The following ARIH1 variants were observed in gnomAD, a reference collection of about 807,000 sequenced individuals.
ARIH1 encodes ariadne RBR E3 ubiquitin protein ligase 1, also known as E3 ubiquitin-protein ligase ARIH1.
Under a neutral mutation model 85.0 loss-of-function variants are expected in ARIH1, and 8 were observed. That is an observed-to-expected ratio of 0.09 (90% confidence interval 0.06 to 0.17). The LOEUF (loss-of-function observed/expected upper bound fraction) is 0.17. Among genes scored for constraint, ARIH1 ranks in the 10% least tolerant of loss-of-function variants. The pLI, the probability that ARIH1 is intolerant of heterozygous loss-of-function variation, is 1.00. For synonymous variants in ARIH1, 238 were observed against 253.6 expected (o/e 0.94, Z 0.59); for missense variants, 311 against 718.1 (o/e 0.43, Z 6.48).
intron 5 of ARIH1, among the ~76,000 whole-genome samples, chr15:72,559,288 A>G (rs559718880): frequency 5.1e-4 from 77 of 152,060 alleles, no homozygotes; most frequent in Middle Eastern, 3.4e-3. Flanking sequence ...TTTTTTTAAG[A>G]TGGAATCTCT....
At chr15:72,522,683 A>G (rs914854064) in intron 2 of ARIH1, among the ~76,000 whole-genome samples, 1 of 151,940 alleles carries the variant, frequency 6.6e-6, no homozygotes, top group African/African-American at 2.4e-5. Flanking sequence ...CAAAAAAGAT[A>G]AAGATCTTTG....
chr15:72,486,294 T>G lies in ARIH1; in HGVS notation c.375+11280T>G, dbSNP rs181902443. On this transcript the variant is annotated intron_variant, in intron 1 of 13. Transcript: ENST00000379887. ...GTAAGTTTTAAATTGTACACCATTC[T>G]GAGTAGTGTGATGAAATCTCTCACC... is the stretch of plus-strand genomic sequence containing the variant. 2.7e-3 allele frequency among the ~76,000 whole-genome samples: 415 copies of G among 152,328 alleles called. 2 individuals are homozygous for G. Among genetic ancestry groups the G allele is most frequent in the African/African-American group, 9.7e-3 (402 of 41,574 alleles).
At chr15:72,552,161 A>G (rs932228325) in intron 3 of ARIH1, among the ~76,000 whole-genome samples, 2 of 152,228 alleles carry the variant, frequency 1.3e-5, no homozygotes, top group African/African-American at 4.8e-5. Flanking sequence ...TAGTCAATGC[A>G]GTAGTATAGT....
chr15:72,581,352 T>A (rs1326887247), intron 12 of ARIH1: 1 of 181,672 alleles, frequency 5.5e-6, no homozygotes, highest in Non-Finnish European at 1.2e-5. Flanking sequence ...GTGAGACAAT[T>A]TGTGTTTTAT....
At chr15:72,488,900 G>A (rs890247137) in intron 1 of ARIH1, among the ~76,000 whole-genome samples, 8 of 152,134 alleles carry the variant, frequency 5.3e-5, no homozygotes, top group African/African-American at 1.7e-4. Flanking sequence ...TATTATTTGC[G>A]TATAGTTCCC....
At chr15:72,561,864 T>G (rs1021987971) in intron 6 of ARIH1, among the ~76,000 whole-genome samples, 3 of 152,098 alleles carry the variant, frequency 2.0e-5, no homozygotes, top group Non-Finnish European at 2.9e-5. Context: ...TCCGAGCTAC[T>G]CGGGAGGCTG....
intron 2 of ARIH1, among the ~76,000 whole-genome samples, chr15:72,522,919 A>G (rs1278285561): frequency 1.3e-5 from 2 of 152,248 alleles, no homozygotes; most frequent in South Asian, 2.1e-4. Context: ...CATCAGGGAA[A>G]TGCAAATTAA....
At chr15:72,549,959 A>T (rs1034811483) in intron 3 of ARIH1, among the ~76,000 whole-genome samples, 9 of 152,218 alleles carry the variant, frequency 5.9e-5, no homozygotes, top group African/African-American at 1.9e-4. Flanking sequence ...GCTCAAGGTT[A>T]TGAGGAAACG....
intron 6 of ARIH1, among the ~76,000 whole-genome samples, chr15:72,561,889 C>T (rs2140432219): frequency 6.6e-6 from 1 of 152,320 alleles, no homozygotes; most frequent in Middle Eastern, 3.4e-3. Context: ...AGGAGAATCG[C>T]TTGAACCCTG....
At chr15:72,484,803 AC>A (rs2063831385) in intron 1 of ARIH1, among the ~76,000 whole-genome samples, 1 of 151,824 alleles carries the variant, frequency 6.6e-6, no homozygotes. Context: ...ACACACACAC[AC>A]ACCACAGTTT....
chr15:72,571,734 T>C (rs1270075544), intron 10 of ARIH1, among the ~76,000 whole-genome samples: 1 of 152,218 alleles, frequency 6.6e-6, no homozygotes, highest in Non-Finnish European at 1.5e-5. Flanking sequence ...GATTATCTCT[T>C]TCTCAAAAAG....
chr15:72,556,545 CTCT>C (rs2064175482), intron 5 of ARIH1, among the ~76,000 whole-genome samples: 1 of 152,208 alleles, frequency 6.6e-6, no homozygotes, highest in South Asian at 2.1e-4. Flanking sequence ...CAGCTAACAG[CTCT>C]TCTTGTGAAA....
chr15:72,493,270 G>T (rs551496426), intron 1 of ARIH1, among the ~76,000 whole-genome samples: 19 of 148,960 alleles, frequency 1.3e-4, no homozygotes, highest in Middle Eastern at 7.0e-3. Flanking sequence ...AACACTTTTT[G>T]GGGGGGGAGG....
At chr15:72,581,928 G>GC in intron 12 of ARIH1, 147 bp from the exon 13 acceptor site, 1 of 497,206 alleles carries the variant, frequency 2.0e-6, no homozygotes, top group East Asian at 3.2e-5. Context: ...AGAGATGAAA[G>GC]CCCATAGAGC....
intron 3 of ARIH1, among the ~76,000 whole-genome samples, chr15:72,551,843 A>G (rs1401540834): frequency 6.6e-6 from 1 of 152,220 alleles, no homozygotes; most frequent in Non-Finnish European, 1.5e-5. Context: ...GTATACAGAA[A>G]AAGAAATATA....
At position 72,586,855 on chromosome 15, in the gene ARIH1, T is replaced by A. The variant is rs902592889; in HGVS notation, c.*3563T>A. ...ATAGCTCTTTGAATGCCACTTTTTT[T>A]AAAGAAAATACTTTAAAAGTCATTC... On this transcript the variant is annotated 3_prime_UTR_variant, in exon 14 of 14. Transcript: ENST00000379887. 10 of 158,082 alleles carry A rather than the reference T, an allele frequency of 6.3e-5. No homozygotes were observed. The highest frequency in any genetic ancestry group is 2.0e-4 in the Admixed American group (3 of 15,376). 9.8% of individuals were successfully genotyped at this position (158,082 alleles called of 1,614,324 possible).
intron 2 of ARIH1, among the ~76,000 whole-genome samples, chr15:72,533,012 G>A (rs1184659736): frequency 6.6e-6 from 1 of 152,230 alleles, no homozygotes; most frequent in East Asian, 1.9e-4. Flanking sequence ...GGGAGTTCAA[G>A]ATGTGGATAT....
chr15:72,485,904 T>C (rs1196871439), intron 1 of ARIH1, among the ~76,000 whole-genome samples: 1 of 152,222 alleles, frequency 6.6e-6, no homozygotes, highest in East Asian at 1.9e-4. Flanking sequence ...CATTATTGGA[T>C]GAGATAGTAA....
At chr15:72,500,230 G>A (rs1294209973) in intron 1 of ARIH1, among the ~76,000 whole-genome samples, 3 of 151,938 alleles carry the variant, frequency 2.0e-5, no homozygotes, top group Non-Finnish European at 4.4e-5. Context: ...GAGTAGCTGG[G>A]ACTACAGGCG....
Sources: gnomAD v4.1 joint callset for allele counts (sites outside exome capture counted in the v4.1 genomes callset) on GRCh38, gnomAD v4.1.1 for gene constraint, MANE v1.5 for transcripts, NCBI Gene and HGNC (gene_info 2026-07-23, HGNC 2026-07-21) for gene names.